Variants in CNTNAP1 observed in about 807,000 individuals in gnomAD.
CNTNAP1 encodes the protein contactin-associated protein 1.
CNTNAP1 carries 80 observed loss-of-function variants against 161.5 expected under a neutral mutation model. The ratio of observed to expected loss-of-function variants is 0.50; its 90% CI spans 0.41 to 0.60. CNTNAP1 has a LOEUF of 0.60. Ranked by LOEUF, CNTNAP1 falls within the 20% of genes least tolerant of loss-of-function variation. The pLI, the probability that CNTNAP1 is intolerant of heterozygous loss-of-function variation, is 0.00. For synonymous variants in CNTNAP1, 695 were observed against 733.1 expected, an observed-to-expected ratio of 0.95 and a Z score of 0.84; for missense variants, 1,464 against 1,854.8, an observed-to-expected ratio of 0.79 and a Z score of 3.87.
Position 42,691,661 on chromosome 17 carries a change from CCT to C in CNTNAP1, c.2345-142_2345-141del. 5.1e-6 allele frequency: 7 copies of C among 1,366,034 alleles called. No individual in the cohort carries two copies. The highest frequency in any genetic ancestry group is 7.1e-6 in the Non-Finnish European group (7 of 982,372). The allele number at this position is 1,366,034 out of a possible 1,614,324, so 84.6% of individuals were successfully genotyped here. On this transcript the variant is annotated intron_variant, in intron 15 of 23. Coordinates refer to ENST00000264638, the MANE Select transcript of CNTNAP1 (RefSeq NM_003632.3). The surrounding 1 kb of genome is among the most constrained non-coding windows in gnomAD (Gnocchi z 4.3). The stretch of plus-strand genomic sequence containing the variant: ...TCTCATTACCCCTCTGCACCTGGCT[CCT>C]CTTTCATTCCACTCCTTAGTCTCCC...
chr17:42,692,653 C>G lies in CNTNAP1; in HGVS notation c.2685C>G (p.Pro895=). Residue 895 remains proline, a synonymous_variant, in exon 17 of 24, where the codon CCC becomes CCG. Coordinates refer to ENST00000264638, the MANE Select transcript of CNTNAP1 (RefSeq NM_003632.3). Reference sequence around the variant, plus strand: ...CCCGGCTCCGAGTGGATCACCGGCCCTGGGTTCTGCGGCCTATGCCACTGC... The same window carrying G: ...CCCGGCTCCGAGTGGATCACCGGCCGTGGGTTCTGCGGCCTATGCCACTGC... The part of the protein sequence containing the change: ...KQARLRVDHR[P]WVLRPMPLQT... The G allele has an allele frequency of 6.2e-7, 1 of 1,614,222 alleles. No homozygotes were observed. The highest frequency in any genetic ancestry group is 1.1e-5 in the South Asian group (1 of 91,082).
rs2053080222 is a variant in CNTNAP1, at chr17:42,691,072, G to T, written c.2060-65G>T. 1 of 1,599,568 alleles carries T rather than the reference G, an allele frequency of 6.3e-7. No homozygotes were observed. The highest frequency in any genetic ancestry group is 8.5e-7 in the Non-Finnish European group (1 of 1,172,566). On this transcript the variant is annotated intron_variant, in intron 13 of 23. Transcript: ENST00000264638. The surrounding 1 kb of genome is among the most constrained non-coding windows in gnomAD (Gnocchi z 4.3). Reference sequence around the variant, plus strand: ...AGGAGGGGTCTGAACTCGCTGGAAGGGCGAGAGGAGCCCAGAGGCTAATGG... The same window carrying T: ...AGGAGGGGTCTGAACTCGCTGGAAGTGCGAGAGGAGCCCAGAGGCTAATGG...
At chr17:42,684,258 T>C in intron 3 of CNTNAP1, 29 bp downstream of exon 3, 4 of 1,593,092 alleles carry the variant, frequency 2.5e-6, no homozygotes, top group Non-Finnish European at 3.4e-6. Flanking sequence ...CGGTAACACT[T>C]GGGGAGCTTC....
chr17:42,688,909 A>G lies in CNTNAP1; in HGVS notation c.1490A>G (p.His497Arg). Residue 497 changes from histidine to arginine, a missense_variant, in exon 10 of 24, where the codon CAC (histidine) becomes CGC (arginine). Transcript: ENST00000264638. ...AAGCCAGCCAGTCGATGGGACTGCCACTCCAACCAGACGGCATTCCATGGC... is the reference window on the plus strand; with the variant it reads ...AAGCCAGCCAGTCGATGGGACTGCCGCTCCAACCAGACGGCATTCCATGGC... ...CPKPASRWDCHSNQTAFHGCM... is the reference protein window; with the variant it reads ...CPKPASRWDCRSNQTAFHGCM... 1.2e-6 allele frequency: 2 copies of G among 1,614,012 alleles called. No homozygotes were observed. Among genetic ancestry groups the G allele is most frequent in the Non-Finnish European group, 1.7e-6 (2 of 1,179,982 alleles).
chr17:42,682,840 T>C lies in CNTNAP1; in HGVS notation c.11T>C (p.Leu4Pro). The C allele has an allele frequency of 6.3e-7, 1 of 1,585,308 alleles. No individual in the cohort carries two copies. Among genetic ancestry groups the C allele is most frequent in the Non-Finnish European group, 8.6e-7 (1 of 1,167,118 alleles). MMH[L>P]RLFCILLAAV... ...GACCGTCAGCCCTGCATGATGCATC[T>C]CCGGCTCTTCTGCATCCTGCTCGCC... The change falls in exon 1 of 24, where the codon CTC (leucine) becomes CCC (proline). Residue 4 changes from leucine to proline, a missense_variant. This residue lies in a region of CNTNAP1 where 77 missense variants were observed against 73.6 expected (regional missense o/e 1.05). Coordinates refer to ENST00000264638, the MANE Select transcript of CNTNAP1 (RefSeq NM_003632.3).
rs779027563 is a variant in CNTNAP1, at chr17:42,687,838, G to C, written c.1163G>C (p.Arg388Pro). The C allele has an allele frequency of 1.9e-6, 3 of 1,614,084 alleles. No homozygotes were observed. The highest frequency in any genetic ancestry group is 3.3e-5 in the Admixed American group (2 of 60,004). Residue 388 changes from arginine (R) to proline (P), a missense_variant, in exon 8 of 24, where the codon CGC (arginine) becomes CCC (proline). Transcript: ENST00000264638. This position sits in a 1 kb window ranked among gnomAD's most constrained non-coding sequence, Gnocchi z 4.7. ...CGTGGCCGCCTGGCAGTCTCATTTC[G>C]CTTCCGCACCTGGGACCTCACCGGG... ...PRRGRLAVSF[R>P]FRTWDLTGLL...
At chr17:42,690,453 G>A (rs901506086) in intron 12 of CNTNAP1, among the ~76,000 whole-genome samples, 101 of 151,688 alleles carry the variant, frequency 6.7e-4, no homozygotes, top group Non-Finnish European at 3.8e-4. Context: ...GAACCTGGGA[G>A]GTGGAGGTTG....
intron 1 of CNTNAP1, chr17:42,683,246 G>T: frequency 3.2e-6 from 2 of 633,088 alleles, no homozygotes; most frequent in Non-Finnish European, 4.4e-6. Flanking sequence ...CTTAAGGCTG[G>T]ACTTTGGAGC....
At chr17:42,698,079 A>G in intron 23 of CNTNAP1, 129 bp downstream of exon 23, 1 of 1,044,910 alleles carries the variant, frequency 9.6e-7, no homozygotes, top group Admixed American at 1.8e-5. Context: ...ACAAAGGATG[A>G]TGAGACAGGC....
Position 42,683,617 on chromosome 17 carries a change from C to T in CNTNAP1, c.68-204C>T. 4.9e-6 allele frequency: 7 copies of T among 1,424,752 alleles called. No homozygotes were observed. The South Asian group carries it at 9.1e-5, about 19-fold the overall frequency. The allele number at this position is 1,424,752 out of a possible 1,614,324, so 88.3% of individuals were successfully genotyped here. On this transcript the variant is annotated intron_variant, in intron 1 of 23. Coordinates refer to ENST00000264638, the MANE Select transcript of CNTNAP1 (RefSeq NM_003632.3). ...CTATAGGTGTAGCCTAGGGGTTTGCCTAGAAGGAGAAGGTAGCCTCCTCTG... is the reference window on the plus strand; with the variant it reads ...CTATAGGTGTAGCCTAGGGGTTTGCTTAGAAGGAGAAGGTAGCCTCCTCTG...
chr17:42,691,183 C>A lies in CNTNAP1; in HGVS notation c.2106C>A (p.His702Gln), dbSNP rs748013360. Residue 702 changes from histidine (H) to glutamine (Q), a missense_variant, in exon 14 of 24, where the codon CAC becomes CAA. His to Gln is a conservative substitution (Grantham distance 24). Transcript: ENST00000264638. This position sits in a 1 kb window ranked among gnomAD's most constrained non-coding sequence, Gnocchi z 4.3. ...GGATTGGCCGAAATGAGGAGCAGCACTTCTACTGGGGAGGCTCCCAGCCTG... is the reference window on the plus strand; with the variant it reads ...GGATTGGCCGAAATGAGGAGCAGCAATTCTACTGGGGAGGCTCCCAGCCTG... ...SFWIGRNEEQ[H>Q]FYWGGSQPGI... 4 of 1,614,186 alleles carry A rather than the reference C, an allele frequency of 2.5e-6. No individual in the cohort carries two copies. In the East Asian group the frequency reaches 8.9e-5, roughly 36 times the overall value.
chr17:42,691,149 A>G lies in CNTNAP1; in HGVS notation c.2072A>G (p.Tyr691Cys). ...RLLNTAGGYP[Y>C]SFWIGRNEEQ... ...ACCTCTTCCCCAGGAGGCTACCCCT[A>G]CAGCTTTTGGATTGGCCGAAATGAG... Residue 691 changes from tyrosine to cysteine, a missense_variant, in exon 14 of 24, where the codon TAC (tyrosine) becomes TGC (cysteine). By Grantham distance (194) the Tyr-to-Cys change is radical (BLOSUM62 -2). Transcript: ENST00000264638. This position sits in a 1 kb window ranked among gnomAD's most constrained non-coding sequence, Gnocchi z 4.3. 6.2e-7 allele frequency: 1 copy of G among 1,614,056 alleles called. No individual in the cohort carries two copies.
At chr17:42,684,752 C>T (rs1041041275) in intron 3 of CNTNAP1, among the ~76,000 whole-genome samples, 18 of 151,730 alleles carry the variant, frequency 1.2e-4, no homozygotes, top group African/African-American at 4.4e-4. Flanking sequence ...GGTGAAACCC[C>T]GTCTCTATGA....
chr17:42,683,830 A>G lies in CNTNAP1; in HGVS notation c.77A>G (p.Asp26Gly). Residue 26 changes from aspartate to glycine, a missense_variant, in exon 2 of 24, where the codon GAC (aspartate) becomes GGC (glycine). By Grantham distance (94) the Asp-to-Gly change is moderately conservative (BLOSUM62 -1). This residue lies in a region of CNTNAP1 where 77 missense variants were observed against 73.6 expected (regional missense o/e 1.05). Transcript: ENST00000264638. ...GGTTTCCCTACCCTAGACGGCTGCGACGAGGAGCTGGTGGGTCCCCTGTAT... is the reference window on the plus strand; with the variant it reads ...GGTTTCCCTACCCTAGACGGCTGCGGCGAGGAGCTGGTGGGTCCCCTGTAT... ...GAEGWGYYGC[D>G]EELVGPLYAR... 1.2e-6 allele frequency: 2 copies of G among 1,611,732 alleles called. No individual in the cohort carries two copies. Among genetic ancestry groups the G allele is most frequent in the Non-Finnish European group, 1.7e-6 (2 of 1,179,938 alleles).
Position 42,690,796 on chromosome 17 carries a change from G to C in CNTNAP1, c.1913G>C (p.Gly638Ala). ...AGGCTGTGGACAACTCGAGTGACAG[G>C]TTCCAGCATGGAGCGGCCATTCCTG... is the stretch of plus-strand genomic sequence containing the variant. ...HDRLWTTRVTGSSMERPFLGA... is the reference protein window; with the variant it reads ...HDRLWTTRVTASSMERPFLGA... The change falls in exon 13 of 24, where the codon GGT becomes GCT. Residue 638 changes from glycine (G) to alanine (A), a missense_variant. This residue lies in a region of CNTNAP1 where 1,383 missense variants were observed against 1,765.0 expected (regional missense o/e 0.78). Coordinates refer to ENST00000264638, the MANE Select transcript of CNTNAP1 (RefSeq NM_003632.3). The C allele has an allele frequency of 6.2e-7, 1 of 1,614,222 alleles. No individual in the cohort carries two copies. The highest frequency in any genetic ancestry group is 8.5e-7 in the Non-Finnish European group (1 of 1,180,040).
In CNTNAP1 at chr17:42,682,544, G is replaced by T; in HGVS notation, c.-286G>T. ...CGCGGGGTCCGGGAAACCGGCGCGT[G>T]CCAGGAGACAGAGGCTGGGGAAGGG... On this transcript the variant is annotated 5_prime_UTR_variant, in exon 1 of 24. Coordinates refer to ENST00000264638, the MANE Select transcript of CNTNAP1 (RefSeq NM_003632.3). The T allele has an allele frequency of 5.9e-6, 3 of 506,072 alleles. No homozygotes were observed. In the South Asian group the frequency reaches 6.7e-5, roughly 11 times the overall value. 31.3% of individuals were successfully genotyped at this position (506,072 alleles called of 1,614,324 possible).
chr17:42,686,821 G>C lies in CNTNAP1; in HGVS notation c.901-82G>C, dbSNP rs531591225. 3.4e-5 allele frequency: 50 copies of C among 1,465,786 alleles called. No homozygotes were observed. In the African/African-American group the frequency reaches 6.6e-4, roughly 19 times the overall value. 90.8% of individuals were successfully genotyped at this position (1,465,786 alleles called of 1,614,324 possible). On this transcript the variant is annotated intron_variant, in intron 6 of 23. Transcript: ENST00000264638. ...TTTTACAAAACCCCATCTGGCATTTGGGAAAGCATACGGCGGGGACGCGCG... is the reference window on the plus strand; with the variant it reads ...TTTTACAAAACCCCATCTGGCATTTCGGAAAGCATACGGCGGGGACGCGCG...
Position 42,693,457 on chromosome 17 carries a change from A to G in CNTNAP1, c.2913A>G (p.Gly971=), listed in dbSNP as rs1270440511. ...ACCCTCGGCTCCCCTGTTTCCATGG[A>G]GGCCGCTGCGTGGAGCGCTATAGCT... ...CAHPRLPCFH[G]GRCVERYSYY... Residue 971 remains glycine (G), a synonymous_variant, in exon 18 of 24, where the codon GGA becomes GGG. Transcript: ENST00000264638. 6.2e-7 allele frequency: 1 copy of G among 1,614,164 alleles called. No homozygotes were observed. Among genetic ancestry groups the G allele is most frequent in the South Asian group, 1.1e-5 (1 of 91,082 alleles).
Position 42,685,342 on chromosome 17 carries a change from C to T in CNTNAP1, c.637C>T (p.Leu213=). 2 of 1,610,850 alleles carry T rather than the reference C, an allele frequency of 1.2e-6. No homozygotes were observed. The highest frequency in any genetic ancestry group is 1.7e-6 in the Non-Finnish European group (2 of 1,180,006). ...GACCGAGGAGAAGGACGGTCTTCTGCTGCACGCCGAGGGCGCCCAGGGCGA... is the reference window on the plus strand; with the variant it reads ...GACCGAGGAGAAGGACGGTCTTCTGTTGCACGCCGAGGGCGCCCAGGGCGA... ...FKTEEKDGLL[L]HAEGAQGDYV... The change falls in exon 5 of 24, where the codon CTG becomes TTG. Residue 213 remains leucine (L), a synonymous_variant. Coordinates refer to ENST00000264638, the MANE Select transcript of CNTNAP1 (RefSeq NM_003632.3). This position sits in a 1 kb window ranked among gnomAD's most constrained non-coding sequence, Gnocchi z 5.0.
Sources: gnomAD v4.1 joint callset for allele counts (sites outside exome capture counted in the v4.1 genomes callset) on GRCh38, gnomAD v4.1.1 for gene constraint, gnomAD v4.1.1 regional missense constraint, Gnocchi (gnomAD v3.1) non-coding constraint, MANE v1.5 for transcripts, NCBI Gene and HGNC (gene_info 2026-07-23, HGNC 2026-07-21) for gene names.